The following MID1 variants were observed in gnomAD, a reference collection of about 807,000 sequenced individuals.
The protein encoded by MID1 is midline 1, also known as E3 ubiquitin-protein ligase Midline-1.
Under a neutral mutation model 40.4 loss-of-function variants are expected in MID1, and 7 were observed. The ratio of observed to expected loss-of-function variants is 0.17; its 90% CI spans 0.10 to 0.33. The LOEUF (loss-of-function observed/expected upper bound fraction) is 0.33, where lower values mean the gene tolerates loss of function less well. Among genes scored for constraint, MID1 ranks in the 10% least tolerant of loss-of-function variants. MID1 has a pLI of 1.00. For synonymous variants in MID1, 229 were observed against 221.2 expected, an observed-to-expected ratio of 1.04 and a Z score of -0.31; for missense variants, 367 against 558.5, an observed-to-expected ratio of 0.66 and a Z score of 3.46.
intron 4 of MID1, among the ~76,000 whole-genome samples, chrX:10,488,357 A>G (rs1930739604): frequency 9.0e-6 from 1 of 111,362 alleles, no homozygotes; most frequent in Non-Finnish European, 1.9e-5. Context: ...TCATATGGTA[A>G]GTGTATGCTT....
intron 3 of MID1, chrX:10,501,521 C>T: frequency 8.7e-7 from 1 of 1,152,667 alleles, no homozygotes; most frequent in Non-Finnish European, 1.1e-6. Context: ...GGTAATACTG[C>T]TGCTTCTCTC....
At chrX:10,577,662 A>C (rs959611278) in intron 1 of MID1, among the ~76,000 whole-genome samples, 4 of 109,003 alleles carry the variant, frequency 3.7e-5, no homozygotes, top group Non-Finnish European at 5.7e-5. Context: ...ATATATATAT[A>C]TATTTAATAT....
rs191197790 is a variant in MID1, at chrX:10,476,254, G to C, written c.1014-1504C>G. ...GGAGTAACTGCTTAATGAGTATAAG[G>C]CTTACTTTTGGTATGATGGAAGTGT... On this transcript the variant is annotated intron_variant, in intron 5 of 9. Transcript: ENST00000317552. Among the ~76,000 whole-genome samples the C allele has an allele frequency of 4.3e-3, 478 of 111,364 alleles. 2 individuals are homozygous for C. The highest frequency in any genetic ancestry group is 0.015 in the African/African-American group (456 of 30,629).
chrX:10,615,267 A>G (rs1292739293), intron 1 of MID1, among the ~76,000 whole-genome samples: 1 of 112,085 alleles, frequency 8.9e-6, no homozygotes, highest in Non-Finnish European at 1.9e-5. Context: ...ACCAGATCAA[A>G]AGTTCTTTGA....
chrX:10,730,823 G>C (rs904200871), intron 1 of MID1, among the ~76,000 whole-genome samples: 4 of 110,245 alleles, frequency 3.6e-5, no homozygotes, highest in Non-Finnish European at 7.6e-5. Context: ...ATCCGCCCAC[G>C]TCGGCCTCCC....
At chrX:10,741,298 G>A (rs2043521744) in intron 1 of MID1, among the ~76,000 whole-genome samples, 2 of 111,030 alleles carry the variant, frequency 1.8e-5, no homozygotes, top group Admixed American at 1.9e-4. Flanking sequence ...TCAGAGCAAG[G>A]AGAAATTCTG....
intron 1 of MID1, among the ~76,000 whole-genome samples, chrX:10,665,422 G>A (rs1259710867): frequency 9.0e-6 from 1 of 110,978 alleles, no homozygotes; most frequent in African/African-American, 3.3e-5. Flanking sequence ...TTTTACACAC[G>A]AACCTCGCAA....
Position 10,446,991 on chromosome X carries a change from A to G in MID1, c.*2377T>C, listed in dbSNP as rs1009373998. 2.7e-5 allele frequency: 3 copies of G among 110,111 alleles called. No homozygotes were observed. The highest frequency in any genetic ancestry group is 5.6e-5 in the Non-Finnish European group (3 of 53,136). 9.1% of individuals were successfully genotyped at this position (110,111 alleles called of 1,213,427 possible). On this transcript the variant is annotated 3_prime_UTR_variant, in exon 10 of 10. Coordinates refer to ENST00000317552, the MANE Select transcript of MID1 (RefSeq NM_000381.4). ...ACTGCAGCAAATTTTTACAGCATAC[A>G]TTTTTTAGACTTTCAAAAAAAAAAT...
chrX:10,452,549 A>G (rs1326537742), intron 9 of MID1, among the ~76,000 whole-genome samples: 2 of 112,061 alleles, frequency 1.8e-5, no homozygotes, highest in Non-Finnish European at 3.8e-5. Context: ...TAATGTACAC[A>G]TCAATTTAAA....
intron 1 of MID1, among the ~76,000 whole-genome samples, chrX:10,649,870 T>C (rs1936299214): frequency 8.9e-6 from 1 of 112,320 alleles, no homozygotes; most frequent in Non-Finnish European, 1.9e-5. Context: ...TTGAAAATAT[T>C]AATTTTTGAA....
chrX:10,584,800 G>C (rs976082471), intron 1 of MID1, among the ~76,000 whole-genome samples: 1 of 111,713 alleles, frequency 9.0e-6, no homozygotes, highest in Admixed American at 9.5e-5. Context: ...TGGGTAGCAG[G>C]ACGAGCCGCA....
chrX:10,603,978 C>A (rs1250069834), intron 1 of MID1, among the ~76,000 whole-genome samples: 2 of 111,542 alleles, frequency 1.8e-5, no homozygotes, highest in African/African-American at 6.5e-5. Flanking sequence ...AAAGCAGCTA[C>A]AATGGTTCAA....
chrX:10,494,689 G>T (rs1385438508), intron 4 of MID1, among the ~76,000 whole-genome samples: 1 of 105,596 alleles, frequency 9.5e-6, no homozygotes, highest in East Asian at 3.0e-4. Context: ...CAGGAGGATT[G>T]TCTGAGCCCG....
chrX:10,774,585 TAATA>T (rs1216828694), intron 1 of MID1, among the ~76,000 whole-genome samples: 5 of 111,420 alleles, frequency 4.5e-5, no homozygotes, highest in Non-Finnish European at 9.4e-5. Flanking sequence ...CAGTATATCC[TAATA>T]TATATTTTAT....
At chrX:10,763,515 G>C (rs4512554) in intron 1 of MID1, among the ~76,000 whole-genome samples, 6 of 111,342 alleles carry the variant, frequency 5.4e-5, no homozygotes, top group Non-Finnish European at 1.1e-4. Context: ...TTATGGCTGC[G>C]TAGTATTCCA....
At chrX:10,639,568 G>C (rs975348193) in intron 1 of MID1, among the ~76,000 whole-genome samples, 3 of 111,916 alleles carry the variant, frequency 2.7e-5, no homozygotes, top group African/African-American at 9.7e-5. Flanking sequence ...GGGGAGAATG[G>C]AACCAAGTTG....
At chrX:10,799,463 A>G (rs2043990856) in intron 1 of MID1, among the ~76,000 whole-genome samples, 1 of 112,186 alleles carries the variant, frequency 8.9e-6, no homozygotes, top group Non-Finnish European at 1.9e-5. Flanking sequence ...TGGCATGAGG[A>G]TAGCAGAAAA....
rs185497224 is a variant in MID1, at chrX:10,583,804, G to A, written c.-56-16201C>T. Among the ~76,000 whole-genome samples the A allele has an allele frequency of 2.7e-5, 3 of 110,647 alleles. No homozygotes were observed. In the East Asian group the frequency reaches 8.5e-4, roughly 31 times the overall value. ...ACCCAGAACTTTGGGAGGCTGAGGCGGGTGGATCACGACATTAGGAGTTCA... is the reference window on the plus strand; with the variant it reads ...ACCCAGAACTTTGGGAGGCTGAGGCAGGTGGATCACGACATTAGGAGTTCA... On this transcript the variant is annotated intron_variant, in intron 1 of 9. Coordinates refer to ENST00000317552, the MANE Select transcript of MID1 (RefSeq NM_000381.4).
At chrX:10,462,139 T>G (rs1929080983) in intron 7 of MID1, among the ~76,000 whole-genome samples, 2 of 112,360 alleles carry the variant, frequency 1.8e-5, no homozygotes, top group South Asian at 7.4e-4. Flanking sequence ...AACAAAATGT[T>G]TATGAAGTAG....
Sources: allele counts gnomAD v4.1 joint callset (sites outside exome capture counted in the v4.1 genomes callset), GRCh38; gene constraint gnomAD v4.1.1; transcripts MANE v1.5; gene names NCBI Gene and HGNC (gene_info 2026-07-23, HGNC 2026-07-21).